The following COL4A5 variants were observed in gnomAD, a reference collection of about 807,000 sequenced individuals.
COL4A5 encodes the protein collagen alpha-5(IV) chain.
A neutral mutation model predicts 130.2 loss-of-function variants in COL4A5; 26 were observed. The ratio of observed to expected loss-of-function variants is 0.20; its 90% CI spans 0.15 to 0.28. The LOEUF (loss-of-function observed/expected upper bound fraction) is 0.28, where lower values mean the gene tolerates loss of function less well. COL4A5 is among the 10% of genes least tolerant of loss of function. The pLI is 1.00. For missense variants in COL4A5, 1,131 were observed against 1,344.3 expected (o/e 0.84, Z 2.48); for synonymous variants, 496 against 439.6 (o/e 1.13, Z -1.60).
At chrX:108,547,744 C>T (rs979747119) in intron 2 of COL4A5, among the ~76,000 whole-genome samples, 21 of 111,824 alleles carry the variant, frequency 1.9e-4, no homozygotes, top group African/African-American at 4.9e-4. Context: ...CTTTGAGGTG[C>T]GGTGGGCTCC....
chrX:108,509,330 C>T (rs910473872), intron 1 of COL4A5, among the ~76,000 whole-genome samples: 5 of 111,459 alleles, frequency 4.5e-5, no homozygotes, highest in African/African-American at 9.8e-5. Flanking sequence ...CTAATGGGTA[C>T]TAGGCTTAAT....
chrX:108,518,333 C>A (rs1448178431), intron 1 of COL4A5, among the ~76,000 whole-genome samples: 1 of 111,441 alleles, frequency 9.0e-6, no homozygotes, highest in Non-Finnish European at 1.9e-5. Flanking sequence ...GCTTCCCCAT[C>A]CAAAACATAA....
chrX:108,474,759 G>C (rs374057515), intron 1 of COL4A5, among the ~76,000 whole-genome samples: 2 of 110,862 alleles, frequency 1.8e-5, no homozygotes, highest in Non-Finnish European at 3.8e-5. Context: ...AATCCATTTG[G>C]GGTTGATTTT....
chrX:108,613,184 C>T (rs1046089368), intron 29 of COL4A5, among the ~76,000 whole-genome samples: 11 of 112,204 alleles, frequency 9.8e-5, no homozygotes, highest in African/African-American at 3.5e-4. Context: ...ACTTCTGGAA[C>T]AGAAGCAGGC....
chrX:108,440,357 C>G, intron 1 of COL4A5, 151 bp downstream of exon 1: 2 of 472,101 alleles, frequency 4.2e-6, no homozygotes, highest in Non-Finnish European at 7.4e-6. Context: ...ACGTTATTTG[C>G]AACACCGGTA....
chrX:108,650,629 G>A (rs758770596), intron 36 of COL4A5, among the ~76,000 whole-genome samples: 2 of 110,781 alleles, frequency 1.8e-5, no homozygotes, highest in South Asian at 3.8e-4. Context: ...CATTTGCAGC[G>A]ACCCGGATGA....
intron 3 of COL4A5, among the ~76,000 whole-genome samples, chrX:108,562,932 A>T (rs150206480): frequency 3.0e-3 from 335 of 111,672 alleles, no homozygotes; most frequent in African/African-American, 0.01. Flanking sequence ...ACCCACACAC[A>T]CTTTAACCAC....
intron 1 of COL4A5, among the ~76,000 whole-genome samples, chrX:108,490,868 T>C (rs2147546220): frequency 8.9e-6 from 1 of 111,798 alleles, no homozygotes; most frequent in East Asian, 2.8e-4. Flanking sequence ...GTTCTTATAA[T>C]TTAGCTCCCA....
chrX:108,572,166 C>G (rs891156623), intron 8 of COL4A5, among the ~76,000 whole-genome samples: 1 of 111,535 alleles, frequency 9.0e-6, no homozygotes, highest in Non-Finnish European at 1.9e-5. Flanking sequence ...ACTATCCTTT[C>G]CTGATTTTTC....
chrX:108,665,715 A>G (rs1186661814), intron 38 of COL4A5, 128 bp downstream of exon 38: 9 of 510,129 alleles, frequency 1.8e-5, no homozygotes, highest in Non-Finnish European at 3.1e-5. Flanking sequence ...CATTCACTTA[A>G]CACTGCATGT....
At chrX:108,626,521 G>A (rs761524281) in intron 36 of COL4A5, 172 bp downstream of exon 36, 16 of 1,147,502 alleles carry the variant, frequency 1.4e-5, no homozygotes, top group Non-Finnish European at 1.8e-5. Context: ...ATGTTTTAGG[G>A]TTTGTGGCCA....
At chrX:108,522,958 A>C (rs1314163563) in intron 1 of COL4A5, among the ~76,000 whole-genome samples, 1 of 106,473 alleles carries the variant, frequency 9.4e-6, no homozygotes, top group African/African-American at 3.4e-5. Flanking sequence ...GCTCACTGCA[A>C]CCTCCGCCTC....
At chrX:108,588,535 G>A (rs1300313182) in intron 19 of COL4A5, among the ~76,000 whole-genome samples, 1 of 110,274 alleles carries the variant, frequency 9.1e-6, no homozygotes, top group African/African-American at 3.3e-5. Context: ...AAACCTAGAA[G>A]CTCCAAAATT....
At chrX:108,637,389 C>T (rs970209104) in intron 36 of COL4A5, among the ~76,000 whole-genome samples, 5 of 110,304 alleles carry the variant, frequency 4.5e-5, no homozygotes, top group African/African-American at 1.3e-4. Context: ...TCTTAAAGAA[C>T]TAGAAAAAGA....
intron 1 of COL4A5, among the ~76,000 whole-genome samples, chrX:108,520,788 A>G (rs777686360): frequency 4.5e-5 from 5 of 111,779 alleles, no homozygotes; most frequent in South Asian, 3.7e-4. Context: ...CTGTTTTTGC[A>G]GTCTGAAGGT....
At chrX:108,637,535 G>A (rs1255108067) in intron 36 of COL4A5, among the ~76,000 whole-genome samples, 1 of 111,441 alleles carries the variant, frequency 9.0e-6, no homozygotes, top group Non-Finnish European at 1.9e-5. Flanking sequence ...TAACAAAATA[G>A]AAAAAGTTTT....
At chrX:108,470,966 T>C (rs749433386) in intron 1 of COL4A5, among the ~76,000 whole-genome samples, 26 of 111,686 alleles carry the variant, frequency 2.3e-4, no homozygotes, top group Non-Finnish European at 4.5e-4. Flanking sequence ...GGTGAAAGGC[T>C]TTATTTCTGG....
chrX:108,472,787 A>C, intron 1 of COL4A5, among the ~76,000 whole-genome samples: 1 of 112,032 alleles, frequency 8.9e-6, no homozygotes, highest in Non-Finnish European at 1.9e-5. Flanking sequence ...GAATATACCT[A>C]GTAGTGGGAT....
At chrX:108,609,628 CTG>C (rs761323621) in intron 29 of COL4A5, among the ~76,000 whole-genome samples, 2 of 111,381 alleles carry the variant, frequency 1.8e-5, no homozygotes, top group Admixed American at 9.5e-5. Context: ...TTATAATTTT[CTG>C]TGTCTTGTCT....
Sources: gnomAD v4.1 joint callset for allele counts (sites outside exome capture counted in the v4.1 genomes callset) on GRCh38, gnomAD v4.1.1 for gene constraint, MANE v1.5 for transcripts, NCBI Gene and HGNC (gene_info 2026-07-23, HGNC 2026-07-21) for gene names.